The following WWOX variants were observed in gnomAD, a reference collection of about 807,000 sequenced individuals.
WWOX encodes the protein WW domain-containing oxidoreductase.
Under a neutral mutation model 46.2 loss-of-function variants are expected in WWOX, and 69 were observed. The observed-to-expected ratio is 1.49, with a 90% CI of 1.23 to 1.82. WWOX has a LOEUF of 1.82. WWOX is among the 40% of genes most tolerant of loss of function. WWOX has a pLI of 0.00. For missense variants in WWOX, 919 were observed against 542.6 expected (o/e 1.69, Z -6.89); for synonymous variants, 359 against 202.6 (o/e 1.77, Z -6.56).
chr16:78,168,517 G>A (rs2035049901), intron 5 of WWOX: 1 of 151,710 alleles, frequency 6.6e-6, no homozygotes, highest in Non-Finnish European at 1.5e-5. Flanking sequence ...TTGCACAGCT[G>A]GTGAGCTCAG....
intron 5 of WWOX, among the ~76,000 whole-genome samples, chr16:78,179,329 C>T (rs926943214): frequency 3.9e-5 from 6 of 152,128 alleles, no homozygotes; most frequent in African/African-American, 1.2e-4. Flanking sequence ...TATGGATTAA[C>T]AGATTACATT....
intron 8 of WWOX, among the ~76,000 whole-genome samples, chr16:79,005,976 G>A (rs561350986): frequency 6.6e-5 from 10 of 152,296 alleles, no homozygotes; most frequent in African/African-American, 2.4e-4. Context: ...CTGGGGACAG[G>A]CGGCAGGTGT....
chr16:79,064,292 G>A (rs975153004), intron 8 of WWOX, among the ~76,000 whole-genome samples: 1 of 152,216 alleles, frequency 6.6e-6, no homozygotes, highest in Admixed American at 6.5e-5. Flanking sequence ...CAACCTGGTT[G>A]AGAATTTAAG....
chr16:79,083,118 C>T (rs2048790518), intron 8 of WWOX, among the ~76,000 whole-genome samples: 2 of 152,162 alleles, frequency 1.3e-5, no homozygotes, highest in Non-Finnish European at 2.9e-5. Context: ...ATTTAAGGAA[C>T]TCCATAGTTG....
intron 8 of WWOX, among the ~76,000 whole-genome samples, chr16:79,151,090 A>G (rs2050269653): frequency 1.3e-5 from 2 of 151,846 alleles, no homozygotes; most frequent in South Asian, 2.1e-4. Flanking sequence ...ACGTAAAGCT[A>G]TCATTTTAAT....
At chr16:78,724,596 T>C (rs567152890) in intron 8 of WWOX, among the ~76,000 whole-genome samples, 1 of 152,194 alleles carries the variant, frequency 6.6e-6, no homozygotes, top group Non-Finnish European at 1.5e-5. Context: ...GACCCACTTA[T>C]GTGTAGTCCC....
chr16:78,906,578 A>G (rs760672545), intron 8 of WWOX, among the ~76,000 whole-genome samples: 51 of 152,186 alleles, frequency 3.4e-4, no homozygotes, highest in Non-Finnish European at 5.9e-4. Flanking sequence ...TACATCTTTC[A>G]GGGGAAGAGG....
intron 8 of WWOX, among the ~76,000 whole-genome samples, chr16:79,010,022 G>A (rs991986101): frequency 3.3e-5 from 5 of 152,168 alleles, no homozygotes; most frequent in Non-Finnish European, 7.4e-5. Flanking sequence ...AGAATAATGG[G>A]TCTTGAGTAT....
intron 6 of WWOX, among the ~76,000 whole-genome samples, chr16:78,390,782 T>TTG (rs1042604259): frequency 2.6e-5 from 4 of 152,210 alleles, no homozygotes; most frequent in Non-Finnish European, 4.4e-5. Flanking sequence ...TAAAATTTTC[T>TTG]TGTGTGTAAA....
chr16:78,726,103 C>CCCTCCCTCTTCCTCCCTCCCTCCCTA (rs2048827573), intron 8 of WWOX, among the ~76,000 whole-genome samples: 1 of 139,976 alleles, frequency 7.1e-6, no homozygotes, highest in Non-Finnish European at 1.6e-5. Flanking sequence ...CTCCCTCCCT[C>CCCTCCCTCTTCCTCCCTCCCTCCCTA]CCTCCCTCTC....
At chr16:78,278,163 G>A (rs2079612980) in intron 5 of WWOX, among the ~76,000 whole-genome samples, 1 of 152,156 alleles carries the variant, frequency 6.6e-6, no homozygotes, top group Admixed American at 6.6e-5. Flanking sequence ...TATTGGAAAG[G>A]CAGGCAGTGC....
At chr16:78,375,285 G>A (rs556088556) in intron 5 of WWOX, among the ~76,000 whole-genome samples, 14 of 152,282 alleles carry the variant, frequency 9.2e-5, no homozygotes, top group African/African-American at 2.9e-4. Flanking sequence ...GCCAACTTCC[G>A]AGAGGCCGGC....
intron 8 of WWOX, among the ~76,000 whole-genome samples, chr16:78,777,590 A>T (rs967325652): frequency 2.6e-5 from 4 of 152,266 alleles, no homozygotes; most frequent in Admixed American, 6.5e-5. Context: ...AAGCATTAAC[A>T]CAGAGACATG....
rs1026841099 is a variant in WWOX, at chr16:78,881,176, A to AT, written c.1057-330426dup. ...CCTGCCCAATTTTTGTTGTTGTTGT[A>AT]TTTTTTGGTACAGATGGGATTTTGC... is the stretch of plus-strand genomic sequence containing the variant. On this transcript the variant is annotated intron_variant, in intron 8 of 8. Coordinates refer to ENST00000566780, the MANE Select transcript of WWOX (RefSeq NM_016373.4). Among the ~76,000 whole-genome samples the AT allele has an allele frequency of 1.1e-3, 163 of 151,382 alleles. 2 individuals carry two copies. The highest frequency in any genetic ancestry group is 3.8e-3 in the African/African-American group (155 of 41,258).
intron 8 of WWOX, among the ~76,000 whole-genome samples, chr16:79,061,469 T>C (rs2048356306): frequency 6.6e-6 from 1 of 152,168 alleles, no homozygotes; most frequent in Non-Finnish European, 1.5e-5. Context: ...GTGTAAAGCA[T>C]TCAGATCTCT....
intron 8 of WWOX, among the ~76,000 whole-genome samples, chr16:78,512,432 A>G (rs1188339509): frequency 6.6e-6 from 1 of 152,194 alleles, no homozygotes; most frequent in Non-Finnish European, 1.5e-5. Context: ...CTGATTTTAA[A>G]AATGTGTTGA....
chr16:78,849,050 A>C (rs936848277), intron 8 of WWOX, among the ~76,000 whole-genome samples: 6 of 152,220 alleles, frequency 3.9e-5, no homozygotes, highest in Non-Finnish European at 8.8e-5. Context: ...TGCCATGGGC[A>C]TGATCACTGT....
intron 8 of WWOX, among the ~76,000 whole-genome samples, chr16:78,753,994 T>G (rs4887979): frequency 6.7e-6 from 1 of 150,278 alleles, no homozygotes; most frequent in African/African-American, 2.4e-5. Context: ...AAAAGAGATA[T>G]GCCAAAGAGA....
intron 5 of WWOX, among the ~76,000 whole-genome samples, chr16:78,165,717 A>C (rs1314280609): frequency 6.6e-6 from 1 of 152,210 alleles, no homozygotes; most frequent in Admixed American, 6.5e-5. Context: ...AGTGTACTTA[A>C]GAAAATTTTT....
Sources: gnomAD v4.1 joint callset for allele counts (sites outside exome capture counted in the v4.1 genomes callset) on GRCh38, gnomAD v4.1.1 for gene constraint, MANE v1.5 for transcripts, NCBI Gene and HGNC (gene_info 2026-07-23, HGNC 2026-07-21) for gene names.